The following LHFPL2 variants were observed in gnomAD, a reference collection of about 807,000 sequenced individuals.
LHFPL2 encodes the protein LHFPL tetraspan subfamily member 2, also known as LHFPL tetraspan subfamily member 2 protein.
LHFPL2 carries 7 observed loss-of-function variants against 17.5 expected under a neutral mutation model. That is an observed-to-expected ratio of 0.40 (90% confidence interval 0.23 to 0.75). The LOEUF (loss-of-function observed/expected upper bound fraction) is 0.75, where lower values mean the gene tolerates loss of function less well. LHFPL2 is among the 30% of genes least tolerant of loss of function. The probability of loss-of-function intolerance (pLI) is 0.37; values close to 1 mark genes in which losing one functional copy is unlikely to be tolerated. For missense variants in LHFPL2, 241 were observed against 294.8 expected (o/e 0.82, Z 1.34); for synonymous variants, 134 against 116.2 (o/e 1.15, Z -0.99).
Position 78,485,878 on chromosome 5 carries a change from C to T in LHFPL2, c.*3019G>A, listed in dbSNP as rs1280441346. The T allele has an allele frequency of 1.3e-5, 2 of 152,548 alleles. No homozygotes were observed. The highest frequency in any genetic ancestry group is 2.9e-5 in the Non-Finnish European group (2 of 68,018). 9.4% of individuals were successfully genotyped at this position (152,548 alleles called of 1,614,324 possible). On this transcript the variant is annotated 3_prime_UTR_variant, in exon 5 of 5. Coordinates refer to ENST00000380345, the MANE Select transcript of LHFPL2 (RefSeq NM_005779.3). The stretch of plus-strand genomic sequence containing the variant: ...GACCCAGGAAAAAATGATTTCATAC[C>T]AGTCTTTTCTTCACATAAGATTTGT...
chr5:78,496,629 T>G (rs1754615423), intron 4 of LHFPL2, among the ~76,000 whole-genome samples: 1 of 152,238 alleles, frequency 6.6e-6, no homozygotes, highest in African/African-American at 2.4e-5. Flanking sequence ...AGTTGCTTCC[T>G]GTGTTCCATA....
chr5:78,575,998 T>C (rs1757122064), intron 2 of LHFPL2, among the ~76,000 whole-genome samples: 1 of 152,110 alleles, frequency 6.6e-6, no homozygotes, highest in Non-Finnish European at 1.5e-5. Flanking sequence ...CCAGCCAAAA[T>C]ATGTAAGATA....
intron 3 of LHFPL2, among the ~76,000 whole-genome samples, chr5:78,547,899 A>C (rs919522907): frequency 3.9e-5 from 6 of 152,262 alleles, no homozygotes; most frequent in African/African-American, 1.4e-4. Flanking sequence ...GCCAACCAAC[A>C]AAATATCCCA....
At chr5:78,614,007 T>C (rs1744508557) in intron 2 of LHFPL2, among the ~76,000 whole-genome samples, 1 of 152,188 alleles carries the variant, frequency 6.6e-6, no homozygotes, top group African/African-American at 2.4e-5. Flanking sequence ...TTCATCACAA[T>C]ACTGTCTTGT....
intron 2 of LHFPL2, among the ~76,000 whole-genome samples, chr5:78,576,244 G>GTCT (rs1400039543): frequency 3.3e-5 from 5 of 151,012 alleles, no homozygotes; most frequent in African/African-American, 1.2e-4. Context: ...GCAGTGAGCC[G>GTCT]AGATCGCGCC....
chr5:78,529,239 T>C (rs549953292), intron 3 of LHFPL2, among the ~76,000 whole-genome samples: 1 of 152,266 alleles, frequency 6.6e-6, no homozygotes, highest in African/African-American at 2.4e-5. Flanking sequence ...TGAGCGATGA[T>C]TGTGCCACTA....
chr5:78,548,673 T>C (rs1756354530), intron 3 of LHFPL2, among the ~76,000 whole-genome samples: 1 of 152,188 alleles, frequency 6.6e-6, no homozygotes, highest in Non-Finnish European at 1.5e-5. Flanking sequence ...TGGGGGCAGC[T>C]ATGAGGGCTA....
chr5:78,536,932 C>T (rs1395141878), intron 3 of LHFPL2, among the ~76,000 whole-genome samples: 2 of 152,216 alleles, frequency 1.3e-5, no homozygotes, highest in African/African-American at 4.8e-5. Context: ...TGTCCGCCTT[C>T]AGTCTTCCTT....
At chr5:78,551,250 T>C (rs1756432740) in intron 3 of LHFPL2, among the ~76,000 whole-genome samples, 1 of 152,184 alleles carries the variant, frequency 6.6e-6, no homozygotes, top group Admixed American at 6.5e-5. Context: ...TTCTAAGGAA[T>C]TGTGAGTGCA....
chr5:78,646,372 G>A (rs1189177005), intron 1 of LHFPL2, among the ~76,000 whole-genome samples: 1 of 152,166 alleles, frequency 6.6e-6, no homozygotes, highest in Non-Finnish European at 1.5e-5. Flanking sequence ...TAGGGATTTG[G>A]AATACCTGAT....
At chr5:78,515,066 A>G (rs1338916864) in intron 3 of LHFPL2, among the ~76,000 whole-genome samples, 2 of 152,200 alleles carry the variant, frequency 1.3e-5, no homozygotes, top group Non-Finnish European at 2.9e-5. Context: ...ACATTTTCCT[A>G]TATAACCACA....
intron 4 of LHFPL2, among the ~76,000 whole-genome samples, chr5:78,502,683 G>A (rs1240829060): frequency 1.4e-5 from 2 of 142,056 alleles, no homozygotes; most frequent in Non-Finnish European, 3.0e-5. Context: ...GTGTAACAAG[G>A]TAAAAGGCAC....
intron 3 of LHFPL2, among the ~76,000 whole-genome samples, chr5:78,528,072 G>A (rs1308821987): frequency 6.6e-6 from 1 of 152,176 alleles, no homozygotes; most frequent in African/African-American, 2.4e-5. Context: ...TGGCTTAACT[G>A]TGCTCCCAGT....
chr5:78,631,121 C>T (rs1272336809), intron 2 of LHFPL2, among the ~76,000 whole-genome samples: 1 of 152,242 alleles, frequency 6.6e-6, no homozygotes, highest in East Asian at 1.9e-4. Context: ...TAAACCTAAA[C>T]TGTGTTCTAA....
rs149015147 is a variant in LHFPL2, at chr5:78,630,429, T to C, written c.-245+1835A>G. ...TGGGCTTTTTCATTTCAATGTATTTTCTTAGCTTATTTTTCAAGTATGATA... is the reference window on the plus strand; with the variant it reads ...TGGGCTTTTTCATTTCAATGTATTTCCTTAGCTTATTTTTCAAGTATGATA... On this transcript the variant is annotated intron_variant, in intron 2 of 4. Transcript: ENST00000380345. Among the ~76,000 whole-genome samples the C allele has an allele frequency of 2.6e-3, 401 of 152,266 alleles. 3 individuals carry two copies. The highest frequency in any genetic ancestry group is 9.1e-3 in the African/African-American group (379 of 41,550).
chr5:78,585,439 T>A (rs1343214963), intron 2 of LHFPL2, among the ~76,000 whole-genome samples: 1 of 152,204 alleles, frequency 6.6e-6, no homozygotes, highest in East Asian at 1.9e-4. Context: ...GCTTCCCGAG[T>A]GAGGCAATGC....
chr5:78,576,618 G>A (rs1473232295), intron 2 of LHFPL2, among the ~76,000 whole-genome samples: 1 of 152,164 alleles, frequency 6.6e-6, no homozygotes, highest in Non-Finnish European at 1.5e-5. Flanking sequence ...AGGGACACTG[G>A]AAATTCAACA....
At chr5:78,542,226 C>T (rs983833035) in intron 3 of LHFPL2, among the ~76,000 whole-genome samples, 4 of 152,132 alleles carry the variant, frequency 2.6e-5, no homozygotes, top group Non-Finnish European at 5.9e-5. Flanking sequence ...CCTCACATCA[C>T]CCCAGGGCTG....
intron 3 of LHFPL2, among the ~76,000 whole-genome samples, chr5:78,520,075 G>A: frequency 6.6e-6 from 1 of 152,080 alleles, no homozygotes; most frequent in East Asian, 1.9e-4. Flanking sequence ...CACGCTTTTT[G>A]GGTGGAACAC....
Sources: gnomAD v4.1 joint callset for allele counts (sites outside exome capture counted in the v4.1 genomes callset) on GRCh38, gnomAD v4.1.1 for gene constraint, MANE v1.5 for transcripts, NCBI Gene and HGNC (gene_info 2026-07-23, HGNC 2026-07-21) for gene names.